Variants in HDHD2 observed in about 807,000 individuals in gnomAD.
The protein encoded by HDHD2 is haloacid dehalogenase-like hydrolase domain-containing protein 2.
In HDHD2, 26 loss-of-function variants were observed where a neutral mutation model predicts 24.8. The ratio of observed to expected loss-of-function variants is 1.05; its 90% CI spans 0.77 to 1.45. The LOEUF (loss-of-function observed/expected upper bound fraction) is 1.45. HDHD2 is among the 40% of genes most tolerant of loss of function. The pLI is 0.00. For synonymous variants in HDHD2, 128 were observed against 114.9 expected (o/e 1.11, Z -0.73); for missense variants, 299 against 313.4 (o/e 0.95, Z 0.35).
Position 47,111,505 on chromosome 18 carries a change from C to A in HDHD2, c.676+1472G>T, listed in dbSNP as rs1798618080. On this transcript the variant is annotated intron_variant, in intron 6 of 6. Coordinates refer to ENST00000300605, the MANE Select transcript of HDHD2 (RefSeq NM_032124.5). ...AGGCAGGAATCTGAAAACAAAGATA[C>A]ATGGAGGCTGACGAGTGTGGCTACT... The A allele has an allele frequency of 1.4e-5, 14 of 985,080 alleles. No homozygotes were observed. The South Asian group carries it at 6.1e-4, about 43-fold the overall frequency. The allele number at this position is 985,080 out of a possible 1,614,324, so 61.0% of individuals were successfully genotyped here. A position where few individuals can be genotyped will look rare whatever the true frequency, so the allele number is the denominator to read the frequency against.
In HDHD2 at chr18:47,134,574, CAGTCAGAGATG is replaced by C. The variant is rs2063745258; in HGVS notation, c.221_231del (p.Thr74SerfsTer18). ...TTCCGCTCTAGTAAACTTCTGGCTG[CAGTCAGAGATG>C]TGAATATTTCATCTTCAGAGATATC... On this transcript the variant is annotated frameshift_variant, in exon 3 of 7. Coordinates refer to ENST00000300605, the MANE Select transcript of HDHD2 (RefSeq NM_032124.5). LOFTEE classifies it high-confidence loss of function. 3 of 1,613,978 alleles carry C rather than the reference CAGTCAGAGATG, an allele frequency of 1.9e-6. No homozygotes were observed. In the African/African-American group the frequency reaches 4.0e-5, roughly 22 times the overall value.
At position 47,115,449 on chromosome 18, in the gene HDHD2, A is replaced by G; in HGVS notation, c.396-101T>C. 4.3e-6 allele frequency: 3 copies of G among 699,562 alleles called. No homozygotes were observed. In the Admixed American group the frequency reaches 8.6e-5, roughly 20 times the overall value. The allele number at this position is 699,562 out of a possible 1,614,324, so 43.3% of individuals were successfully genotyped here. A position where few individuals can be genotyped will look rare whatever the true frequency, so the allele number is the denominator to read the frequency against. ...ACAAAGTGGCTGTATTCACACCCAC[A>G]GAAACAAATAGTTTCTTATTAACTT... On this transcript the variant is annotated intron_variant, in intron 4 of 6. Coordinates refer to ENST00000300605, the MANE Select transcript of HDHD2 (RefSeq NM_032124.5).
At chr18:47,110,669 GTGAA>G in intron 6 of HDHD2, 1 of 985,320 alleles carries the variant, frequency 1.0e-6, no homozygotes, top group Non-Finnish European at 1.2e-6. Context: ...CGTTCGTTGA[GTGAA>G]TGGAGCTGCC....
chr18:47,146,700 T>C (rs1263364642), intron 1 of HDHD2, among the ~76,000 whole-genome samples: 1 of 152,096 alleles, frequency 6.6e-6, no homozygotes, highest in Non-Finnish European at 1.5e-5. Flanking sequence ...TACACAACTC[T>C]CGGAAATCTA....
intron 3 of HDHD2, 49 bp downstream of exon 3, chr18:47,134,447 G>A (rs760027599): frequency 1.6e-6 from 2 of 1,277,578 alleles, no homozygotes; most frequent in Non-Finnish European, 2.3e-6. Flanking sequence ...AAAATGATTT[G>A]TAAGTACATA....
chr18:47,140,330 A>C (rs1458910404), intron 1 of HDHD2, among the ~76,000 whole-genome samples: 1 of 152,242 alleles, frequency 6.6e-6, no homozygotes, highest in Non-Finnish European at 1.5e-5. Context: ...AACATACTGT[A>C]TCTCTCCATT....
At chr18:47,147,186 T>C in intron 1 of HDHD2, among the ~76,000 whole-genome samples, 1 of 152,196 alleles carries the variant, frequency 6.6e-6, no homozygotes, top group Non-Finnish European at 1.5e-5. Context: ...AATCCCCGAT[T>C]CTGTTTGTCT....
At chr18:47,147,620 G>A (rs1406191763) in intron 1 of HDHD2, among the ~76,000 whole-genome samples, 2 of 152,080 alleles carry the variant, frequency 1.3e-5, no homozygotes, top group Admixed American at 6.6e-5. Context: ...GGTGATTAAA[G>A]AACAAATATG....
intron 4 of HDHD2, among the ~76,000 whole-genome samples, chr18:47,120,951 A>G (rs1340629142): frequency 6.6e-6 from 1 of 152,166 alleles, no homozygotes; most frequent in East Asian, 1.9e-4. Flanking sequence ...AACACCAAAG[A>G]TCACTGATCA....
At chr18:47,138,681 T>G (rs2571002) in intron 1 of HDHD2, among the ~76,000 whole-genome samples, 85,432 of 152,080 alleles carry the variant, frequency 0.56, 24,126 homozygotes, top group Middle Eastern at 0.61. Context: ...AAATGATTTT[T>G]TCCACGATTC....
At chr18:47,140,901 T>C (rs1447058945) in intron 1 of HDHD2, among the ~76,000 whole-genome samples, 3 of 152,198 alleles carry the variant, frequency 2.0e-5, no homozygotes, top group East Asian at 3.8e-4. Flanking sequence ...TAGAAAATTA[T>C]TGTCTACATA....
chr18:47,143,870 A>G (rs2063841953), intron 1 of HDHD2, among the ~76,000 whole-genome samples: 1 of 152,196 alleles, frequency 6.6e-6, no homozygotes, highest in Admixed American at 6.5e-5. Flanking sequence ...AGGAGTCCAA[A>G]AAGATCTTGA....
chr18:47,130,481 TAA>T (rs76655632), intron 3 of HDHD2, among the ~76,000 whole-genome samples, 153 bp from the exon 4 acceptor site: 10,325 of 152,212 alleles, frequency 0.068, 424 homozygotes, highest in East Asian at 0.13. Context: ...TTTGGAAGTA[TAA>T]GAGAGTACAC....
intron 2 of HDHD2, among the ~76,000 whole-genome samples, chr18:47,135,965 A>G (rs995355329): frequency 6.6e-6 from 1 of 152,206 alleles, no homozygotes; most frequent in African/African-American, 2.4e-5. Context: ...TAAAACAAGA[A>G]AGAGCAGCAT....
intron 1 of HDHD2, chr18:47,137,028 A>G (rs1238763093): frequency 2.9e-6 from 2 of 692,740 alleles, no homozygotes; most frequent in Non-Finnish European, 5.4e-6. Context: ...ATGGCCAACA[A>G]AAAGCCCAAG....
chr18:47,111,429 A>C, intron 6 of HDHD2: 1 of 984,366 alleles, frequency 1.0e-6, no homozygotes, highest in Non-Finnish European at 1.2e-6. Context: ...ACACAAGAGC[A>C]AAAATAGTTA....
chr18:47,138,303 G>C (rs2063787002), intron 1 of HDHD2, among the ~76,000 whole-genome samples: 1 of 151,276 alleles, frequency 6.6e-6, no homozygotes, highest in African/African-American at 2.4e-5. Context: ...CTTCCTGAGA[G>C]AGACAACATC....
chr18:47,113,104 C>A, intron 5 of HDHD2, 64 bp from the exon 6 acceptor site: 2 of 1,349,886 alleles, frequency 1.5e-6, no homozygotes, highest in Non-Finnish European at 2.1e-6. Context: ...CAAACATTAC[C>A]AACTGATTTA....
intron 3 of HDHD2, 88 bp downstream of exon 3, chr18:47,134,408 G>A (rs2063743003): frequency 1.1e-6 from 1 of 925,982 alleles, no homozygotes; most frequent in East Asian, 2.6e-5. Flanking sequence ...GGGGAAATCA[G>A]AATAAACATC....
Sources: allele counts gnomAD v4.1 joint callset (sites outside exome capture counted in the v4.1 genomes callset), GRCh38; gene constraint gnomAD v4.1.1; transcripts MANE v1.5; gene names NCBI Gene and HGNC (gene_info 2026-07-23, HGNC 2026-07-21).